The following CDH4 variants were observed in gnomAD, a reference collection of about 807,000 sequenced individuals.
CDH4 encodes cadherin-4.
CDH4 carries 33 observed loss-of-function variants against 86.0 expected under a neutral mutation model. The ratio of observed to expected loss-of-function variants is 0.38; its 90% CI spans 0.29 to 0.51. The LOEUF (loss-of-function observed/expected upper bound fraction) is 0.51, where lower values mean the gene tolerates loss of function less well. CDH4 is among the 20% of genes least tolerant of loss of function. CDH4 has a pLI of 0.86. For synonymous variants in CDH4, 555 were observed against 549.4 expected (o/e 1.01, Z -0.14); for missense variants, 1,114 against 1,307.4 (o/e 0.85, Z 2.28).
chr20:61,315,069 C>G (rs756055424), intron 2 of CDH4, among the ~76,000 whole-genome samples: 2 of 152,146 alleles, frequency 1.3e-5, no homozygotes, highest in South Asian at 2.1e-4. Context: ...GGTCTAAACA[C>G]GAAAGCCTCC....
chr20:61,920,390 C>T lies in CDH4; in HGVS notation c.1375-3061C>T, dbSNP rs375633521. On this transcript the variant is annotated intron_variant, in intron 9 of 15. Transcript: ENST00000614565. ...TGTCGTGATTGGAAGCGTGGTGTCG[C>T]GGTGATTGTGTGGAAGTGTGGTGTG... Among the ~76,000 whole-genome samples the T allele has an allele frequency of 1.0e-4, 10 of 99,568 alleles. No homozygotes were observed. The East Asian group carries it at 1.3e-3, about 13-fold the overall frequency. The allele number at this position is 99,568 out of a possible 152,430, so 65.3% of individuals were successfully genotyped here. A position where few individuals can be genotyped will look rare whatever the true frequency, so the allele number is the denominator to read the frequency against.
In CDH4 at chr20:61,839,183, T is replaced by G. The variant is rs539914579; in HGVS notation, c.577-5485T>G. On this transcript the variant is annotated intron_variant, in intron 4 of 15. Coordinates refer to ENST00000614565, the MANE Select transcript of CDH4 (RefSeq NM_001794.5). ...GATTTTTAAAGTGTCTTTAAAATGC[T>G]GGGACAGGAACCAAGGGAGGCTTGA... 3.3e-5 allele frequency among the ~76,000 whole-genome samples: 5 copies of G among 152,380 alleles called. 1 individual carries two copies. The South Asian group carries it at 1.0e-3, about 32-fold the overall frequency.
chr20:61,514,086 AAATC>A (rs2085799705), intron 2 of CDH4, among the ~76,000 whole-genome samples: 1 of 152,252 alleles, frequency 6.6e-6, no homozygotes, highest in South Asian at 2.1e-4. Flanking sequence ...GCAAAATCAT[AAATC>A]AATATGTGGC....
rs149242709 is a variant in CDH4 at position 61,767,830 on chromosome 20, A to G, written c.397-5173A>G. On this transcript the variant is annotated intron_variant, in intron 3 of 15. Coordinates refer to ENST00000614565, the MANE Select transcript of CDH4 (RefSeq NM_001794.5). ...CCAGGCCCAGAAACACTCATGGGAG[A>G]TAAAAGTAGGACCACAGCCCAGGTC... Among the ~76,000 whole-genome samples the G allele has an allele frequency of 3.9e-5, 6 of 152,256 alleles. No homozygotes were observed. The East Asian group carries it at 1.2e-3, about 29-fold the overall frequency.
chr20:61,821,699 G>C (rs1353131625), intron 4 of CDH4, among the ~76,000 whole-genome samples: 2 of 152,218 alleles, frequency 1.3e-5, no homozygotes, highest in Non-Finnish European at 2.9e-5. Context: ...CCCTTGGGGG[G>C]GTCTACTTTG....
Position 61,492,163 on chromosome 20 carries a change from G to A in CDH4, c.169+237226G>A, listed in dbSNP as rs930902370. ...GGTGTCGATATTGCTGATGTTGTTG[G>A]TGTCGATATTGTTGATATTGGTGGT... On this transcript the variant is annotated intron_variant, in intron 2 of 15. Transcript: ENST00000614565. 1.5e-4 allele frequency among the ~76,000 whole-genome samples: 22 copies of A among 150,916 alleles called. 1 individual carries two copies. Among genetic ancestry groups the A allele is most frequent in the Non-Finnish European group, 2.5e-4 (17 of 67,748 alleles).
intron 2 of CDH4, among the ~76,000 whole-genome samples, chr20:61,652,941 T>TTTTTTA (rs2087139701): frequency 1.7e-5 from 2 of 115,966 alleles, no homozygotes; most frequent in African/African-American, 5.9e-5. Context: ...TTTATTTATT[T>TTTTTTA]TTTTTTTTTT....
intron 3 of CDH4, among the ~76,000 whole-genome samples, chr20:61,765,629 C>G (rs1014255003): frequency 3.3e-5 from 5 of 152,076 alleles, no homozygotes; most frequent in African/African-American, 1.2e-4. Context: ...CCAAGGAGGC[C>G]GAGTGTGAAC....
intron 9 of CDH4, among the ~76,000 whole-genome samples, chr20:61,913,590 G>C (rs2054873824): frequency 6.6e-6 from 1 of 152,240 alleles, no homozygotes; most frequent in African/African-American, 2.4e-5. Context: ...TGTGGGGCAT[G>C]GACTGAGGGT....
chr20:61,493,632 C>T (rs909118456), intron 2 of CDH4, among the ~76,000 whole-genome samples: 2 of 152,172 alleles, frequency 1.3e-5, no homozygotes, highest in Non-Finnish European at 2.9e-5. Flanking sequence ...AGGGGGATAT[C>T]CGCTGCACAC....
At chr20:61,659,532 A>C (rs1235764563) in intron 2 of CDH4, among the ~76,000 whole-genome samples, 1 of 151,310 alleles carries the variant, frequency 6.6e-6, no homozygotes, top group Non-Finnish European at 1.5e-5. Flanking sequence ...GCTTGGAGAC[A>C]GGAGGAGGGT....
At chr20:61,330,186 C>T (rs2084564829) in intron 2 of CDH4, among the ~76,000 whole-genome samples, 1 of 151,984 alleles carries the variant, frequency 6.6e-6, no homozygotes, top group African/African-American at 2.4e-5. Context: ...GATTTATATT[C>T]CTTTGGGTAT....
At chr20:61,511,006 A>G (rs1484743700) in intron 2 of CDH4, among the ~76,000 whole-genome samples, 1 of 152,096 alleles carries the variant, frequency 6.6e-6, no homozygotes. Context: ...TTCCCTGTGA[A>G]CTCAGAGCAA....
chr20:61,337,815 G>A (rs571890765), intron 2 of CDH4, among the ~76,000 whole-genome samples: 1 of 152,152 alleles, frequency 6.6e-6, no homozygotes, highest in African/African-American at 2.4e-5. Flanking sequence ...ACCTGTGCCC[G>A]CACCAATCAT....
At chr20:61,460,101 C>G (rs2085433287) in intron 2 of CDH4, among the ~76,000 whole-genome samples, 1 of 152,106 alleles carries the variant, frequency 6.6e-6, no homozygotes, top group Admixed American at 6.5e-5. Context: ...AGTAGAAATT[C>G]AATAAATATT....
intron 2 of CDH4, among the ~76,000 whole-genome samples, chr20:61,327,981 G>GA (rs2084545585): frequency 6.6e-6 from 1 of 152,168 alleles, no homozygotes; most frequent in Non-Finnish European, 1.5e-5. Context: ...GGACAATACT[G>GA]ATGCTTTTGT....
chr20:61,642,290 G>A (rs1282281451), intron 2 of CDH4, among the ~76,000 whole-genome samples: 1 of 152,224 alleles, frequency 6.6e-6, no homozygotes, highest in Admixed American at 6.5e-5. Flanking sequence ...AAGTCCTAGG[G>A]CACCCTGGGG....
At chr20:61,351,777 C>T (rs1202838754) in intron 2 of CDH4, among the ~76,000 whole-genome samples, 1 of 151,424 alleles carries the variant, frequency 6.6e-6, no homozygotes, top group Non-Finnish European at 1.5e-5. Context: ...AGTGCAGTGG[C>T]GCAATCTCGG....
rs1009592036 is a variant in CDH4 at position 61,884,685 on chromosome 20, T to C, written c.1051-10225T>C. On this transcript the variant is annotated intron_variant, in intron 7 of 15. Coordinates refer to ENST00000614565, the MANE Select transcript of CDH4 (RefSeq NM_001794.5). Reference sequence around the variant, plus strand: ...TTTGAAGGCTGAAGGGCTGAGCACCTCACCTCGGGGGCGGCTGCTGCTAGT... The same window carrying C: ...TTTGAAGGCTGAAGGGCTGAGCACCCCACCTCGGGGGCGGCTGCTGCTAGT... Among the ~76,000 whole-genome samples, 4 of 149,652 alleles carry C rather than the reference T, an allele frequency of 2.7e-5. No individual in the cohort carries two copies. In the East Asian group the frequency reaches 7.8e-4, roughly 29 times the overall value.
Sources: allele counts gnomAD v4.1 joint callset (sites outside exome capture counted in the v4.1 genomes callset), GRCh38; gene constraint gnomAD v4.1.1; transcripts MANE v1.5; gene names NCBI Gene and HGNC (gene_info 2026-07-23, HGNC 2026-07-21).